Variants in CTNNA3 observed in about 807,000 individuals in gnomAD.
CTNNA3 encodes catenin alpha 3.
A neutral mutation model predicts 95.7 loss-of-function variants in CTNNA3; 76 were observed. The observed-to-expected ratio is 0.79, with a 90% CI of 0.66 to 0.96. The LOEUF (loss-of-function observed/expected upper bound fraction) is 0.96. Among genes scored for constraint, CTNNA3 ranks in the 40% least tolerant of loss-of-function variants. The pLI, the probability that CTNNA3 is intolerant of heterozygous loss-of-function variation, is 0.00. For missense variants in CTNNA3, 1,191 were observed against 1,089.8 expected, an observed-to-expected ratio of 1.09 and a Z score of -1.31; for synonymous variants, 431 against 374.4, an observed-to-expected ratio of 1.15 and a Z score of -1.74.
chr10:67,521,686 A>C (rs138495685), intron 5 of CTNNA3, among the ~76,000 whole-genome samples, 156 bp downstream of exon 5: 1 of 152,318 alleles, frequency 6.6e-6, no homozygotes, highest in African/African-American at 2.4e-5. Flanking sequence ...CACTGTGGGA[A>C]GCCATATGAA....
At position 66,356,841 on chromosome 10, in the gene CTNNA3, C is replaced by T. The variant is rs550982512; in HGVS notation, c.1732+22311G>A. 7.2e-5 allele frequency among the ~76,000 whole-genome samples: 11 copies of T among 152,008 alleles called. No homozygotes were observed. The East Asian group carries it at 2.1e-3, about 29-fold the overall frequency. ...AATAAAATTGGAAGTTCGTTGAATG[C>T]TTTTTTCTGCATCTTTGATATAATC... On this transcript the variant is annotated intron_variant, in intron 12 of 17. Transcript: ENST00000433211.
At chr10:67,276,972 G>A (rs1280624795) in intron 5 of CTNNA3, among the ~76,000 whole-genome samples, 1 of 151,858 alleles carries the variant, frequency 6.6e-6, no homozygotes, top group Non-Finnish European at 1.5e-5. Flanking sequence ...AAAATGTTAA[G>A]GCTGGCCCAA....
intron 7 of CTNNA3, among the ~76,000 whole-genome samples, chr10:66,906,633 A>G (rs1845998315): frequency 6.6e-6 from 1 of 152,040 alleles, no homozygotes; most frequent in Non-Finnish European, 1.5e-5. Flanking sequence ...TCCTGTTTCA[A>G]AAATTGACAG....
intron 7 of CTNNA3, among the ~76,000 whole-genome samples, chr10:66,818,281 G>A (rs1296715581): frequency 2.7e-5 from 4 of 146,526 alleles, no homozygotes; most frequent in Admixed American, 2.1e-4. Flanking sequence ...AATTCTAACT[G>A]GGGTAATTAG....
rs553786305 is a variant in CTNNA3, at chr10:67,641,319, A to G, written c.99+6096T>C. Among the ~76,000 whole-genome samples the G allele has an allele frequency of 1.2e-4, 18 of 152,286 alleles. No homozygotes were observed. The South Asian group carries it at 2.1e-3, about 18-fold the overall frequency. ...AAACCACAATGAGATACCATCTCAC[A>G]CCAGTTAGAATGGCAATCATTAAAA... On this transcript the variant is annotated intron_variant, in intron 2 of 17. Transcript: ENST00000433211.
At chr10:66,189,604 A>G (rs2086547865) in intron 13 of CTNNA3, among the ~76,000 whole-genome samples, 1 of 109,714 alleles carries the variant, frequency 9.1e-6, no homozygotes, top group South Asian at 3.6e-4. Flanking sequence ...ATAGATTTAT[A>G]TATATATATA....
chr10:65,923,385 A>G (rs2077119231), intron 17 of CTNNA3, among the ~76,000 whole-genome samples: 2 of 152,214 alleles, frequency 1.3e-5, no homozygotes. Context: ...AACTTATTCA[A>G]TGTTTTTATG....
At chr10:66,803,751 A>C (rs1299168866) in intron 7 of CTNNA3, among the ~76,000 whole-genome samples, 3 of 152,074 alleles carry the variant, frequency 2.0e-5, no homozygotes, top group African/African-American at 2.4e-5. Context: ...GTACTGAATA[A>C]AGTTAATTTT....
At chr10:66,301,802 C>T (rs192781239) in intron 12 of CTNNA3, among the ~76,000 whole-genome samples, 22 of 151,986 alleles carry the variant, frequency 1.4e-4, no homozygotes, top group Non-Finnish European at 2.4e-4. Context: ...CCACTAAGAT[C>T]AGGAAGAAGG....
At chr10:66,023,921 G>A (rs1471530839) in intron 15 of CTNNA3, among the ~76,000 whole-genome samples, 1 of 151,956 alleles carries the variant, frequency 6.6e-6, no homozygotes, top group Non-Finnish European at 1.5e-5. Context: ...TATGAAACTC[G>A]TTCTACGATA....
chr10:67,521,545 T>A (rs1839985994), intron 5 of CTNNA3, among the ~76,000 whole-genome samples: 1 of 152,192 alleles, frequency 6.6e-6, no homozygotes, highest in Non-Finnish European at 1.5e-5. Context: ...ACTCCCTTTA[T>A]GCCTCTGAAG....
chr10:66,926,491 G>C, intron 7 of CTNNA3: 1 of 1,454,586 alleles, frequency 6.9e-7, no homozygotes, highest in Non-Finnish European at 9.5e-7. Flanking sequence ...AGCGAGCCCT[G>C]ACTCACTACA....
intron 13 of CTNNA3, among the ~76,000 whole-genome samples, chr10:66,246,772 G>A (rs2090345286): frequency 6.6e-6 from 1 of 151,902 alleles, no homozygotes; most frequent in African/African-American, 2.4e-5. Context: ...TGAGTTTTGG[G>A]ATGGGAGCAG....
chr10:67,542,119 C>A (rs1338319499), intron 3 of CTNNA3, among the ~76,000 whole-genome samples: 1 of 152,022 alleles, frequency 6.6e-6, no homozygotes, highest in Non-Finnish European at 1.5e-5. Flanking sequence ...AAGTCACTCC[C>A]AAAATACATT....
chr10:66,614,701 T>C (rs547657044), intron 10 of CTNNA3, among the ~76,000 whole-genome samples: 1 of 152,184 alleles, frequency 6.6e-6, no homozygotes, highest in African/African-American at 2.4e-5. Context: ...TGTCAGGTTA[T>C]TGGATACTAC....
At chr10:67,432,121 G>A (rs1011389458) in intron 5 of CTNNA3, among the ~76,000 whole-genome samples, 1 of 151,854 alleles carries the variant, frequency 6.6e-6, no homozygotes, top group Non-Finnish European at 1.5e-5. Flanking sequence ...AATTTATATC[G>A]CTAAATGCCT....
chr10:66,408,985 T>A (rs1427743522), intron 11 of CTNNA3, among the ~76,000 whole-genome samples: 1 of 152,272 alleles, frequency 6.6e-6, no homozygotes, highest in South Asian at 2.1e-4. Flanking sequence ...ATTGGCATAC[T>A]TTTTTGCTAA....
At chr10:66,255,636 C>T (rs2090738638) in intron 13 of CTNNA3, among the ~76,000 whole-genome samples, 1 of 152,148 alleles carries the variant, frequency 6.6e-6, no homozygotes, top group East Asian at 1.9e-4. Context: ...AATCATCACC[C>T]TCTCCCCATA....
chr10:66,300,157 GA>G (rs926468959), intron 12 of CTNNA3, among the ~76,000 whole-genome samples: 6 of 152,092 alleles, frequency 3.9e-5, no homozygotes, highest in African/African-American at 1.4e-4. Context: ...CTCCCTAAGA[GA>G]TGGGATTACA....
Sources: allele counts gnomAD v4.1 joint callset (sites outside exome capture counted in the v4.1 genomes callset), GRCh38; gene constraint gnomAD v4.1.1; transcripts MANE v1.5; gene names NCBI Gene and HGNC (gene_info 2026-07-23, HGNC 2026-07-21).